The following CLMP variants were observed in gnomAD, a reference collection of about 807,000 sequenced individuals.
CLMP encodes the protein CXADR-like membrane protein.
In CLMP, 27 loss-of-function variants were observed where a neutral mutation model predicts 45.2. The ratio of observed to expected loss-of-function variants is 0.60; its 90% CI spans 0.44 to 0.82. CLMP has a LOEUF of 0.82. Ranked by LOEUF, CLMP falls within the 40% of genes least tolerant of loss-of-function variation. The probability of loss-of-function intolerance (pLI) is 0.00; values close to 1 mark genes in which losing one functional copy is unlikely to be tolerated. For missense variants in CLMP, 403 were observed against 448.4 expected, an observed-to-expected ratio of 0.90 and a Z score of 0.91; for synonymous variants, 167 against 171.4, an observed-to-expected ratio of 0.97 and a Z score of 0.20.
chr11:123,087,750 G>A (rs1036151350), intron 2 of CLMP, among the ~76,000 whole-genome samples: 4 of 151,784 alleles, frequency 2.6e-5, no homozygotes, highest in Non-Finnish European at 5.9e-5. Context: ...GAACCCAGGA[G>A]GCAGAGGTTC....
chr11:123,150,492 G>A (rs1343113510), intron 1 of CLMP, among the ~76,000 whole-genome samples: 1,552 of 65,126 alleles, frequency 0.024, 12 homozygotes, highest in East Asian at 0.06. Flanking sequence ...AGGAAGGAAG[G>A]AAGGAAGGAA....
intron 1 of CLMP, among the ~76,000 whole-genome samples, chr11:123,169,412 G>A (rs1365781270): frequency 2.0e-5 from 3 of 152,136 alleles, no homozygotes; most frequent in Admixed American, 2.0e-4. Context: ...CAGGCCTACG[G>A]CAGAATCACC....
chr11:123,101,187 C>T (rs774897484), intron 1 of CLMP, among the ~76,000 whole-genome samples: 69 of 152,200 alleles, frequency 4.5e-4, no homozygotes, highest in Non-Finnish European at 8.5e-4. Context: ...CAGCTCACTG[C>T]GACCTCTGCC....
intron 1 of CLMP, among the ~76,000 whole-genome samples, chr11:123,180,499 C>G (rs1216960130): frequency 6.6e-6 from 1 of 152,090 alleles, no homozygotes; most frequent in Non-Finnish European, 1.5e-5. Context: ...ACTTCCCAAC[C>G]TCCAGAACTG....
At chr11:123,181,590 T>A (rs1332264763) in intron 1 of CLMP, among the ~76,000 whole-genome samples, 4 of 152,176 alleles carry the variant, frequency 2.6e-5, no homozygotes, top group African/African-American at 9.7e-5. Flanking sequence ...GTCAATCTGC[T>A]CCCCGACCAG....
intron 1 of CLMP, among the ~76,000 whole-genome samples, chr11:123,109,226 G>T (rs937096554): frequency 1.3e-5 from 2 of 152,098 alleles, no homozygotes; most frequent in Non-Finnish European, 2.9e-5. Flanking sequence ...AGAATACAAA[G>T]GTGATGATAG....
intron 1 of CLMP, among the ~76,000 whole-genome samples, chr11:123,137,076 A>T (rs115029605): frequency 0.032 from 4,845 of 151,740 alleles, 228 homozygotes; most frequent in African/African-American, 0.11. Flanking sequence ...TCCTCTAGGA[A>T]ACCAAATGAA....
At chr11:123,080,174 G>A (rs1318133143) in intron 5 of CLMP, among the ~76,000 whole-genome samples, 2 of 152,186 alleles carry the variant, frequency 1.3e-5, no homozygotes, top group Non-Finnish European at 2.9e-5. Flanking sequence ...GAGAGGATCT[G>A]AGTGATCTGA....
chr11:123,111,543 A>G (rs1860638503), intron 1 of CLMP, among the ~76,000 whole-genome samples: 1 of 152,154 alleles, frequency 6.6e-6, no homozygotes, highest in Non-Finnish European at 1.5e-5. Flanking sequence ...CAACTACAGC[A>G]TTTCTTTCCT....
At chr11:123,174,016 G>C (rs985927764) in intron 1 of CLMP, among the ~76,000 whole-genome samples, 7 of 152,148 alleles carry the variant, frequency 4.6e-5, no homozygotes, top group African/African-American at 1.7e-4. Flanking sequence ...CTGGGAAGTT[G>C]AGGCAGCAGT....
At chr11:123,166,750 G>T in intron 1 of CLMP, among the ~76,000 whole-genome samples, 1 of 152,126 alleles carries the variant, frequency 6.6e-6, no homozygotes, top group East Asian at 1.9e-4. Flanking sequence ...ACAGTGTATT[G>T]TATATTTCAA....
intron 1 of CLMP, among the ~76,000 whole-genome samples, chr11:123,176,632 G>A (rs1861703907): frequency 6.6e-6 from 1 of 152,182 alleles, no homozygotes; most frequent in Admixed American, 6.5e-5. Flanking sequence ...AGCTGGGGCT[G>A]TTGGAGGTGG....
chr11:123,118,923 C>A (rs1565387568), intron 1 of CLMP, among the ~76,000 whole-genome samples: 1 of 132,128 alleles, frequency 7.6e-6, no homozygotes, highest in Admixed American at 8.0e-5. Context: ...TTTGCATTTT[C>A]TTTTCTTTTC....
chr11:123,193,799 A>G (rs1861940749), intron 1 of CLMP, among the ~76,000 whole-genome samples: 1 of 152,162 alleles, frequency 6.6e-6, no homozygotes, highest in South Asian at 2.1e-4. Flanking sequence ...TTCTCTTTCC[A>G]GAGCTAAAGA....
At chr11:123,124,760 G>A (rs563106894) in intron 1 of CLMP, among the ~76,000 whole-genome samples, 2 of 152,164 alleles carry the variant, frequency 1.3e-5, no homozygotes, top group African/African-American at 4.8e-5. Flanking sequence ...GAGGGTCTTG[G>A]GCAGTGAGAC....
At chr11:123,139,860 T>TA (rs1555083515) in intron 1 of CLMP, among the ~76,000 whole-genome samples, 4 of 151,410 alleles carry the variant, frequency 2.6e-5, no homozygotes, top group African/African-American at 9.7e-5. Context: ...TAAAATAAAA[T>TA]AAAAAATATA....
chr11:123,160,785 C>T (rs547445875), intron 1 of CLMP, among the ~76,000 whole-genome samples: 14 of 152,136 alleles, frequency 9.2e-5, no homozygotes, highest in African/African-American at 3.1e-4. Context: ...CAAGACCAGC[C>T]TGGCTAACCT....
intron 1 of CLMP, among the ~76,000 whole-genome samples, chr11:123,189,631 A>T (rs940834703): frequency 6.6e-6 from 1 of 152,214 alleles, no homozygotes; most frequent in African/African-American, 2.4e-5. Context: ...ATCCAACCAC[A>T]AGTTCAAATC....
In CLMP at chr11:123,074,703, G is replaced by A. The variant is rs766246908; in HGVS notation, c.820C>T (p.Arg274Ter). 17 of 1,613,694 alleles carry A rather than the reference G, an allele frequency of 1.1e-5. No homozygotes were observed. The highest frequency in any genetic ancestry group is 2.2e-5 in the East Asian group (1 of 44,894). The change falls in exon 6 of 7, where the codon CGA becomes TGA. Residue 274 changes from arginine (R) to a stop codon, truncating the protein, a stop_gained and splice_region_variant. Transcript: ENST00000448775. LOFTEE classifies it high-confidence loss of function. ...AAAGTAGGGATGTGGGAGGTTTACC[G>A]AATTTCATTAGGTCTCTCTTCTTCC... ...YEEEERPNEI[R>*]EDAEAPKARL...
Sources: allele counts gnomAD v4.1 joint callset (sites outside exome capture counted in the v4.1 genomes callset), GRCh38; gene constraint gnomAD v4.1.1; transcripts MANE v1.5; gene names NCBI Gene and HGNC (gene_info 2026-07-23, HGNC 2026-07-21).